Variants in KRT7 observed in about 807,000 individuals in gnomAD.
The protein encoded by KRT7 is keratin, type II cytoskeletal 7.
KRT7 carries 50 observed loss-of-function variants against 42.8 expected under a neutral mutation model. The observed-to-expected ratio is 1.17, with a 90% confidence interval of 0.93 to 1.48. The LOEUF (loss-of-function observed/expected upper bound fraction) is 1.48. Among genes scored for constraint, KRT7 ranks in the 40% most tolerant of loss-of-function variants. The pLI is 0.00. For missense variants in KRT7, 588 were observed against 637.6 expected (o/e 0.92, Z 0.84); for synonymous variants, 268 against 266.3 (o/e 1.01, Z -0.06).
chr12:52,238,835 C>T (rs1942044813), intron 4 of KRT7, 60 bp downstream of exon 4: 6 of 1,055,998 alleles, frequency 5.7e-6, no homozygotes, highest in Admixed American at 1.8e-5. Flanking sequence ...AGGGAGCCAT[C>T]TGGTCCAGCC....
Position 52,248,718 on chromosome 12 carries a change from C to T in KRT7, c.1368C>T (p.Ser456=), listed in dbSNP as rs771315951. ...GTCCTGGGCTCCTGAAGGCTTATTC[C>T]ATCCGGACCGCATCCGCCAGTCGCA... ...SAGPGLLKAY[S]IRTASASRRS... Residue 456 remains serine (S), a synonymous_variant, in exon 9 of 9, where the codon TCC becomes TCT. Transcript: ENST00000331817. The T allele has an allele frequency of 1.9e-6, 3 of 1,606,794 alleles. No homozygotes were observed. Among genetic ancestry groups the T allele is most frequent in the East Asian group, 4.5e-5 (2 of 44,562 alleles).
chr12:52,250,678 G>A (rs111499822), downstream of KRT7: 11 of 617,136 alleles, frequency 1.8e-5, no homozygotes, highest in Admixed American at 2.2e-5. Flanking sequence ...GTCTCCTGGC[G>A]GCCAGAGGCC....
At chr12:52,253,579 G>T, downstream of KRT7, 1 of 1,596,308 alleles carries the variant, frequency 6.3e-7, no homozygotes, top group Non-Finnish European at 8.6e-7. Context: ...TGTCTAGCAG[G>T]CAGGTGTCCT....
chr12:52,238,860 C>T, intron 4 of KRT7, 85 bp downstream of exon 4: 1 of 852,338 alleles, frequency 1.2e-6, no homozygotes, highest in Non-Finnish European at 2.0e-6. Flanking sequence ...GCCTCTGTGT[C>T]AGTCCAGATA....
At chr12:52,246,841 A>G (rs1942180052) in intron 7 of KRT7, among the ~76,000 whole-genome samples, 1 of 152,130 alleles carries the variant, frequency 6.6e-6, no homozygotes. Flanking sequence ...CTGTTGTCAT[A>G]GAAGTCAGAG....
At chr12:52,247,553 C>T (rs1476602472) in intron 7 of KRT7, 2 of 153,040 alleles carry the variant, frequency 1.3e-5, no homozygotes, top group Admixed American at 6.5e-5. Flanking sequence ...ACAAAACAAA[C>T]ATAGCCAGCT....
chr12:52,243,309 G>A, intron 6 of KRT7, 172 bp downstream of exon 6: 1 of 739,360 alleles, frequency 1.4e-6, no homozygotes, highest in Non-Finnish European at 2.1e-6. Flanking sequence ...GCCAGGTCCT[G>A]GCATGGGCTG....
Position 52,245,545 on chromosome 12 carries a change from G to A in KRT7, c.1118G>A (p.Arg373His), listed in dbSNP as rs150513223. Residue 373 changes from arginine to histidine, a missense_variant, in exon 7 of 9, where the codon CGT becomes CAT. Arg to His is a conservative substitution (Grantham distance 29). Coordinates refer to ENST00000331817, the MANE Select transcript of KRT7 (RefSeq NM_005556.4). ...AAGCAGGATATGGCACGGCAGCTGC[G>A]TGAGTACCAGGAACTCATGAGCGTG... ...RGKQDMARQL[R>H]EYQELMSVKL... 271 of 1,614,168 alleles carry A rather than the reference G, an allele frequency of 1.7e-4. No homozygotes were observed. The African/African-American group carries it at 2.3e-3, about 14-fold the overall frequency.
chr12:52,253,611 T>C, downstream of KRT7: 1 of 1,578,246 alleles, frequency 6.3e-7, no homozygotes, highest in Admixed American at 1.7e-5. Context: ...CTTGCTGCGG[T>C]ACCAGGACTC....
chr12:52,254,179 A>G (rs1764770841), downstream of KRT7: 2 of 544,580 alleles, frequency 3.7e-6, no homozygotes, highest in African/African-American at 3.8e-5. Context: ...CCCTTGTCCC[A>G]CCATAGGGTC....
At chr12:52,249,057 A>C, downstream of KRT7, 1 of 246,004 alleles carries the variant, frequency 4.1e-6, no homozygotes, top group African/African-American at 2.2e-5. Context: ...GTGCTGCTCT[A>C]AGGAGCAGGA....
At chr12:52,253,753 G>C, downstream of KRT7, 1 of 999,236 alleles carries the variant, frequency 1.0e-6, no homozygotes, top group East Asian at 4.4e-5. Flanking sequence ...TGCGACTGGA[G>C]AACGCGGATC....
At chr12:52,244,237 G>A in intron 6 of KRT7, 1 of 825,348 alleles carries the variant, frequency 1.2e-6, no homozygotes, top group Non-Finnish European at 1.5e-6. Flanking sequence ...CTGCCTTGGG[G>A]CACAGAGGCA....
chr12:52,250,696 C>T (rs902236006), downstream of KRT7: 1 of 533,854 alleles, frequency 1.9e-6, no homozygotes, highest in Non-Finnish European at 3.6e-6. Flanking sequence ...GCCCCTTCTG[C>T]TCAGAGCTTC....
In KRT7 at chr12:52,237,560, G is replaced by T. The variant is rs1316542315; in HGVS notation, c.588G>T (p.Val196=). Residue 196 remains valine, a synonymous_variant, in exon 3 of 9, where the codon GTG becomes GTT. Coordinates refer to ENST00000331817, the MANE Select transcript of KRT7 (RefSeq NM_005556.4). ...HRTAAENEFV[V]LKKDVDAAYM... ...CAGCTGCTGAGAATGAGTTTGTGGT[G>T]CTGAAGAAGGTGAGTGGGAAAGACA... The T allele has an allele frequency of 6.2e-7, 1 of 1,610,734 alleles. No individual in the cohort carries two copies. The highest frequency in any genetic ancestry group is 2.2e-5 in the East Asian group (1 of 44,694).
rs553862016 is a variant in KRT7, at chr12:52,247,768, C to T, written c.1206-409C>T. The T allele has an allele frequency of 1.8e-4, 38 of 212,608 alleles. No individual in the cohort carries two copies. In the East Asian group the frequency reaches 3.6e-3, roughly 20 times the overall value. The allele number at this position is 212,608 out of a possible 1,614,324, so 13.2% of individuals were successfully genotyped here. On this transcript the variant is annotated intron_variant, in intron 7 of 8. Coordinates refer to ENST00000331817, the MANE Select transcript of KRT7 (RefSeq NM_005556.4). ...GATAAAAGTATCAATAGGCCACAGA[C>T]ACCTTTAGGATTTTATGATACGGTG...
downstream of KRT7, among the ~76,000 whole-genome samples, chr12:52,249,680 G>A (rs1942233475): frequency 6.6e-6 from 1 of 152,120 alleles, no homozygotes. Flanking sequence ...ATGGGGAAAT[G>A]TGTCCCTGAT....
At chr12:52,250,533 A>C, downstream of KRT7, 2 of 1,008,902 alleles carry the variant, frequency 2.0e-6, no homozygotes, top group Non-Finnish European at 3.0e-6. Context: ...GCCGGTGCTC[A>C]CCGCCACGTT....
rs776641217 is a variant in KRT7, at chr12:52,238,687, A to T, written c.605A>T (p.Asp202Val). Residue 202 changes from aspartate to valine, a missense_variant, in exon 4 of 9, where the codon GAT (aspartate) becomes GTT (valine). By Grantham distance (152) the Asp-to-Val change is radical. Transcript: ENST00000331817. ...TCTTGCCCCAACCCCCAGGATGTGG[A>T]TGCTGCCTACATGAGCAAGGTGGAG... is the stretch of plus-strand genomic sequence containing the variant. ...NEFVVLKKDV[D>V]AAYMSKVELE... is the part of the protein sequence containing the mutation. 23 of 1,612,578 alleles carry T rather than the reference A, an allele frequency of 1.4e-5. No individual in the cohort carries two copies. Among genetic ancestry groups the T allele is most frequent in the Non-Finnish European group, 1.8e-5 (21 of 1,178,712 alleles).
Sources: allele counts gnomAD v4.1 joint callset (sites outside exome capture counted in the v4.1 genomes callset), GRCh38; gene constraint gnomAD v4.1.1; transcripts MANE v1.5; gene names NCBI Gene and HGNC (gene_info 2026-07-23, HGNC 2026-07-21).